Variants in MITF observed in about 807,000 individuals in gnomAD.
MITF encodes the protein melanocyte inducing transcription factor, also known as microphthalmia-associated transcription factor.
In MITF, 17 loss-of-function variants were observed where a neutral mutation model predicts 60.5. The observed-to-expected ratio is 0.28, with a 90% CI of 0.19 to 0.42. The LOEUF (loss-of-function observed/expected upper bound fraction) is 0.42, where lower values mean the gene tolerates loss of function less well. Ranked by LOEUF, MITF falls within the 10% of genes least tolerant of loss-of-function variation. MITF has a pLI of 1.00. For synonymous variants in MITF, 260 were observed against 248.5 expected (o/e 1.05, Z -0.43); for missense variants, 622 against 683.5 (o/e 0.91, Z 1.00).
intron 2 of MITF, among the ~76,000 whole-genome samples, chr3:69,925,974 A>T (rs1293888371): frequency 6.6e-6 from 1 of 152,124 alleles, no homozygotes; most frequent in African/African-American, 2.4e-5. Context: ...CACCTTAAAT[A>T]TGATTTTCAT....
At chr3:69,808,001 A>G (rs2063037880) in intron 1 of MITF, among the ~76,000 whole-genome samples, 1 of 149,932 alleles carries the variant, frequency 6.7e-6, no homozygotes, top group Non-Finnish European at 1.5e-5. Flanking sequence ...TATAGACTTA[A>G]CAGGTCAGCC....
chr3:69,792,998 C>CTTTTTT lies in MITF; in HGVS notation c.104+53325_104+53330dup, dbSNP rs58440406. Among the ~76,000 whole-genome samples, 76 of 31,096 alleles carry CTTTTTT rather than the reference C, an allele frequency of 2.4e-3. 15 individuals carry two copies. Among genetic ancestry groups the CTTTTTT allele is most frequent in the East Asian group, 0.015 (11 of 756 alleles). 20.4% of individuals were successfully genotyped at this position (31,096 alleles called of 152,430 possible). On this transcript the variant is annotated intron_variant, in intron 1 of 9. Transcript: ENST00000352241. ...TTGTTTTATGGGCTAAAGTCTTTAG[C>CTTTTTT]TTTTTTTTTTTTTTTTTTTTTTTTT...
chr3:69,924,035 A>G (rs1368018722), intron 2 of MITF, among the ~76,000 whole-genome samples: 1 of 152,160 alleles, frequency 6.6e-6, no homozygotes, highest in African/African-American at 2.4e-5. Flanking sequence ...ATCATTGGCC[A>G]ATTTGTTTGA....
At chr3:69,906,468 A>T (rs895680536) in intron 2 of MITF, among the ~76,000 whole-genome samples, 4 of 152,178 alleles carry the variant, frequency 2.6e-5, no homozygotes, top group African/African-American at 9.6e-5. Flanking sequence ...CATTGGAGGT[A>T]AAACTGAAAC....
intron 8 of MITF, among the ~76,000 whole-genome samples, chr3:69,956,735 A>G (rs545564063): frequency 1.2e-4 from 18 of 152,334 alleles, no homozygotes; most frequent in Middle Eastern, 3.4e-3. Context: ...AATTGTGCAA[A>G]AGGATTGTTG....
intron 1 of MITF, among the ~76,000 whole-genome samples, chr3:69,791,026 G>C (rs1007872091): frequency 6.6e-6 from 1 of 152,182 alleles, no homozygotes; most frequent in Non-Finnish European, 1.5e-5. Context: ...CTAGGTTTCT[G>C]CTTCTGTTTG....
chr3:69,785,525 T>C (rs187983203), intron 1 of MITF, among the ~76,000 whole-genome samples: 2 of 152,364 alleles, frequency 1.3e-5, no homozygotes, highest in Admixed American at 1.3e-4. Context: ...TTAACCATAG[T>C]ACCATACTCT....
At position 69,887,276 on chromosome 3, in the gene MITF, A is replaced by G. The variant is rs77953408; in HGVS notation, c.354+7893A>G. Among the ~76,000 whole-genome samples the G allele has an allele frequency of 5.8e-4, 88 of 152,288 alleles. No individual in the cohort carries two copies. The East Asian group carries it at 8.3e-3, about 14-fold the overall frequency. Reference sequence around the variant, plus strand: ...GACCACTTAATTTGAAAGACTCTTCAGTTAGCACGCTTTTGAACAGAGATT... The same window carrying G: ...GACCACTTAATTTGAAAGACTCTTCGGTTAGCACGCTTTTGAACAGAGATT... On this transcript the variant is annotated intron_variant, in intron 2 of 9. Coordinates refer to ENST00000352241, the MANE Select transcript of MITF (RefSeq NM_001354604.2).
At chr3:69,956,125 A>T (rs2066391786) in intron 7 of MITF, among the ~76,000 whole-genome samples, 1 of 152,178 alleles carries the variant, frequency 6.6e-6, no homozygotes, top group Admixed American at 6.5e-5. Flanking sequence ...TTGGGCTTTC[A>T]CCAGATATTG....
At chr3:69,906,054 A>C (rs978781134) in intron 2 of MITF, among the ~76,000 whole-genome samples, 2 of 152,130 alleles carry the variant, frequency 1.3e-5, no homozygotes, top group Admixed American at 1.3e-4. Flanking sequence ...GCCTAACCCA[A>C]GGTCATAAGG....
intron 1 of MITF, among the ~76,000 whole-genome samples, chr3:69,843,782 T>A (rs1232827524): frequency 6.6e-6 from 1 of 152,184 alleles, no homozygotes; most frequent in African/African-American, 2.4e-5. Flanking sequence ...CTGGGATACA[T>A]GTGCAGAACG....
chr3:69,834,261 TC>T (rs1480735724), intron 1 of MITF, among the ~76,000 whole-genome samples: 1 of 152,172 alleles, frequency 6.6e-6, no homozygotes, highest in Non-Finnish European at 1.5e-5. Context: ...CAGAAGTTAT[TC>T]CTCCTATCTA....
At chr3:69,926,460 G>C (rs1389933511) in intron 2 of MITF, among the ~76,000 whole-genome samples, 1 of 152,216 alleles carries the variant, frequency 6.6e-6, no homozygotes, top group African/African-American at 2.4e-5. Context: ...ACCACTGCCA[G>C]TTTCTTAAGA....
chr3:69,792,509 C>G (rs187059120), intron 1 of MITF, among the ~76,000 whole-genome samples: 316 of 152,004 alleles, frequency 2.1e-3, no homozygotes, highest in African/African-American at 6.6e-3. Context: ...GGTTAATTTC[C>G]CTACTCACCA....
chr3:69,805,651 G>GA lies in MITF; in HGVS notation c.104+65956dup, dbSNP rs538865529. The stretch of plus-strand genomic sequence containing the variant: ...GACACTCGATAAATATTTGGTGAGT[G>GA]AAAAAATGCATCTTTCTTTTTTTAA... On this transcript the variant is annotated intron_variant, in intron 1 of 9. Transcript: ENST00000352241. Among the ~76,000 whole-genome samples, 19 of 152,110 alleles carry GA rather than the reference G, an allele frequency of 1.2e-4. No homozygotes were observed. The South Asian group carries it at 3.9e-3, about 31-fold the overall frequency.
intron 5 of MITF, among the ~76,000 whole-genome samples, chr3:69,945,370 T>C (rs2066069467): frequency 6.6e-6 from 1 of 152,196 alleles, no homozygotes; most frequent in Admixed American, 6.5e-5. Flanking sequence ...TGAAATCTTG[T>C]CATTTAGGTA....
chr3:69,747,853 A>G (rs1189720021), intron 1 of MITF, among the ~76,000 whole-genome samples: 2 of 152,162 alleles, frequency 1.3e-5, no homozygotes. Flanking sequence ...GTCTGACCAT[A>G]GTTTTTGGGG....
intron 1 of MITF, chr3:69,866,315 T>C: frequency 6.2e-7 from 1 of 1,613,892 alleles, no homozygotes; most frequent in Non-Finnish European, 8.5e-7. Context: ...AGTTCAGATG[T>C]TCATGCCATG....
chr3:69,807,513 A>G (rs1375371194), intron 1 of MITF, among the ~76,000 whole-genome samples: 1 of 152,188 alleles, frequency 6.6e-6, no homozygotes, highest in Non-Finnish European at 1.5e-5. Flanking sequence ...TGTTGGTTGA[A>G]CCCAATTAAT....
Sources: gnomAD v4.1 joint callset for allele counts (sites outside exome capture counted in the v4.1 genomes callset) on GRCh38, gnomAD v4.1.1 for gene constraint, MANE v1.5 for transcripts, NCBI Gene and HGNC (gene_info 2026-07-23, HGNC 2026-07-21) for gene names.